Variants in ZMYND11 observed in about 807,000 individuals in gnomAD.
The protein encoded by ZMYND11 is zinc finger MYND-type containing 11, also known as zinc finger MYND domain-containing protein 11.
ZMYND11 carries 9 observed loss-of-function variants against 84.9 expected under a neutral mutation model. The observed-to-expected ratio is 0.11, with a 90% confidence interval of 0.06 to 0.18. The LOEUF (loss-of-function observed/expected upper bound fraction) is 0.18. Ranked by LOEUF, ZMYND11 falls within the 10% of genes least tolerant of loss-of-function variation. The pLI, the probability that ZMYND11 is intolerant of heterozygous loss-of-function variation, is 1.00. For missense variants in ZMYND11, 409 were observed against 761.0 expected, an observed-to-expected ratio of 0.54 and a Z score of 5.44; for synonymous variants, 250 against 244.1, an observed-to-expected ratio of 1.02 and a Z score of -0.23.
chr10:177,859 C>T (rs1357935087), intron 1 of ZMYND11, among the ~76,000 whole-genome samples: 4 of 152,022 alleles, frequency 2.6e-5, no homozygotes, highest in East Asian at 1.9e-4. Flanking sequence ...CTACTACTTG[C>T]GTAAAATATA....
chr10:227,161 C>G (rs1948277246), intron 4 of ZMYND11, among the ~76,000 whole-genome samples: 1 of 152,180 alleles, frequency 6.6e-6, no homozygotes, highest in Non-Finnish European at 1.5e-5. Flanking sequence ...GGTTCTACAT[C>G]TAATCCAAAA....
chr10:158,983 TG>T lies in ZMYND11; in HGVS notation c.-19-21010del, dbSNP rs141364023. Among the ~76,000 whole-genome samples the T allele has an allele frequency of 5.0e-3, 609 of 122,930 alleles. 8 individuals carry two copies. Among genetic ancestry groups the T allele is most frequent in the Non-Finnish European group, 7.3e-3 (448 of 61,754 alleles). The allele number at this position is 122,930 out of a possible 152,430, so 80.6% of individuals were successfully genotyped here. ...CAGATATATGATTTGCAGGGTTTTT[TG>T]TTTTTTGTTTTTTTTTTTTTTTTTA... On this transcript the variant is annotated intron_variant, in intron 1 of 14. Coordinates refer to ENST00000381604, the MANE Select transcript of ZMYND11 (RefSeq NM_001370100.5).
At chr10:210,957 G>T (rs539146440) in intron 3 of ZMYND11, among the ~76,000 whole-genome samples, 1 of 152,026 alleles carries the variant, frequency 6.6e-6, no homozygotes, top group East Asian at 1.9e-4. Flanking sequence ...GAGCCCAGGA[G>T]TTCAACACTA....
At chr10:240,747 A>C (rs750307309) in intron 8 of ZMYND11, 146 bp from the exon 9 acceptor site, 1 of 652,004 alleles carries the variant, frequency 1.5e-6, no homozygotes, top group Non-Finnish European at 2.6e-6. Context: ...ATTTATTGAA[A>C]ACTTTAAAAT....
intron 1 of ZMYND11, among the ~76,000 whole-genome samples, chr10:175,113 G>C (rs1049460456): frequency 5.4e-4 from 83 of 152,310 alleles, no homozygotes; most frequent in African/African-American, 1.9e-3. Flanking sequence ...GGGTCATAAT[G>C]ATATGTCAGT....
At chr10:225,170 A>G (rs1947885824) in intron 4 of ZMYND11, among the ~76,000 whole-genome samples, 1 of 152,218 alleles carries the variant, frequency 6.6e-6, no homozygotes. Context: ...TTGGTAGGAT[A>G]AGTTTATTAA....
chr10:194,579 C>G (rs895927294), intron 2 of ZMYND11, among the ~76,000 whole-genome samples: 2 of 152,154 alleles, frequency 1.3e-5, no homozygotes, highest in African/African-American at 4.8e-5. Context: ...TCTCCAACAC[C>G]TGGTATTGTC....
chr10:133,905 T>C (rs1554750693), upstream of ZMYND11, among the ~76,000 whole-genome samples: 1 of 152,250 alleles, frequency 6.6e-6, no homozygotes, highest in African/African-American at 2.4e-5. Context: ...TTGTGTTTAT[T>C]TGACTAGTGT....
chr10:245,165 A>G (rs983882751), intron 10 of ZMYND11, among the ~76,000 whole-genome samples: 1 of 152,252 alleles, frequency 6.6e-6, no homozygotes, highest in Non-Finnish European at 1.5e-5. Flanking sequence ...TTACTTTGAT[A>G]TGGTTTTTAA....
At chr10:178,666 G>A (rs1847185038) in intron 1 of ZMYND11, among the ~76,000 whole-genome samples, 1 of 152,078 alleles carries the variant, frequency 6.6e-6, no homozygotes. Context: ...TTGAATACTG[G>A]TATTGTTTTT....
At chr10:222,641 G>A (rs928173639) in intron 4 of ZMYND11, among the ~76,000 whole-genome samples, 28 of 151,822 alleles carry the variant, frequency 1.8e-4, no homozygotes, top group Non-Finnish European at 3.4e-4. Context: ...CATTTTAAAA[G>A]CAAATATACA....
intron 1 of ZMYND11, among the ~76,000 whole-genome samples, chr10:166,870 T>G (rs1214718951): frequency 5.9e-5 from 9 of 152,084 alleles, no homozygotes; most frequent in African/African-American, 2.2e-4. Flanking sequence ...GTTGAGTGGA[T>G]AAACAAATTG....
chr10:231,248 TTTGTTGTGTAAAGAATA>T (rs1327941077), intron 4 of ZMYND11, among the ~76,000 whole-genome samples: 4 of 152,194 alleles, frequency 2.6e-5, no homozygotes, highest in Non-Finnish European at 5.9e-5. Flanking sequence ...TTTGGTCTAG[TTTGTTGTGTAAAGAATA>T]TACTGAGTAT....
upstream of ZMYND11, among the ~76,000 whole-genome samples, chr10:133,761 T>G (rs1270251498): frequency 2.0e-5 from 3 of 152,182 alleles, no homozygotes; most frequent in African/African-American, 7.2e-5. Flanking sequence ...CTGACACGTT[T>G]TAACCCCTCT....
rs1027490420 is a variant in ZMYND11, at chr10:248,581, G to A, written c.1473G>A (p.Glu491=). The part of the protein sequence containing the change: ...RMKSDHKRET[E]RVVREALEKL... ...AGTCGGACCACAAGCGGGAGACAGA[G>A]CGTGTTGTCCGAGAAGCTCTGGAGA... The change falls in exon 13 of 15, where the codon GAG becomes GAA. Residue 491 remains glutamate (E), a synonymous_variant. Coordinates refer to ENST00000381604, the MANE Select transcript of ZMYND11 (RefSeq NM_001370100.5). 5 of 1,611,630 alleles carry A rather than the reference G, an allele frequency of 3.1e-6. No individual in the cohort carries two copies. The highest frequency in any genetic ancestry group is 1.7e-5 in the Admixed American group (1 of 59,992).
chr10:210,152 A>G (rs1944936174), intron 3 of ZMYND11, 104 bp downstream of exon 3: 1 of 1,272,722 alleles, frequency 7.9e-7, no homozygotes, highest in African/African-American at 1.5e-5. Flanking sequence ...TTAATATTTC[A>G]TTTTAACATT....
At chr10:172,443 T>G (rs575264906) in intron 1 of ZMYND11, among the ~76,000 whole-genome samples, 1 of 152,274 alleles carries the variant, frequency 6.6e-6, no homozygotes, top group African/African-American at 2.4e-5. Context: ...ATCTATCACT[T>G]TCCTATTTAT....
chr10:148,474 T>G (rs1342117459), intron 1 of ZMYND11: 2 of 152,258 alleles, frequency 1.3e-5, no homozygotes, highest in African/African-American at 2.4e-5. Context: ...GTCCTTGAGG[T>G]GTAAGACTCA....
intron 6 of ZMYND11, among the ~76,000 whole-genome samples, chr10:238,501 C>T (rs1191391604): frequency 6.6e-6 from 1 of 152,002 alleles, no homozygotes; most frequent in Non-Finnish European, 1.5e-5. Flanking sequence ...GGACTACAGG[C>T]GCCCGACACC....
Sources: gnomAD v4.1 joint callset for allele counts (sites outside exome capture counted in the v4.1 genomes callset) on GRCh38, gnomAD v4.1.1 for gene constraint, MANE v1.5 for transcripts, NCBI Gene and HGNC (gene_info 2026-07-23, HGNC 2026-07-21) for gene names.